Variants in BICC1 observed in about 807,000 individuals in gnomAD.
BICC1 encodes protein bicaudal C homolog 1.
BICC1 carries 43 observed loss-of-function variants against 111.0 expected under a neutral mutation model. That is an observed-to-expected ratio of 0.39 (90% CI 0.30 to 0.50). BICC1 has a LOEUF of 0.50. Ranked by LOEUF, BICC1 falls within the 20% of genes least tolerant of loss-of-function variation. The pLI is 0.88. For synonymous variants in BICC1, 467 were observed against 434.4 expected (o/e 1.07, Z -0.93); for missense variants, 1,091 against 1,203.2 (o/e 0.91, Z 1.38).
intron 3 of BICC1, among the ~76,000 whole-genome samples, chr10:58,773,760 A>C (rs918315692): frequency 2.0e-5 from 3 of 152,256 alleles, no homozygotes; most frequent in African/African-American, 7.2e-5. Context: ...CTGAGAAGAC[A>C]AAACATCTTT....
chr10:58,744,392 A>C (rs1300166466), intron 3 of BICC1, among the ~76,000 whole-genome samples: 1 of 152,064 alleles, frequency 6.6e-6, no homozygotes, highest in East Asian at 1.9e-4. Flanking sequence ...TGTTAAGCTA[A>C]TACTTGATAA....
In BICC1 at chr10:58,772,157, G is replaced by A. The variant is rs1271885133; in HGVS notation, c.308-12844G>A. Among the ~76,000 whole-genome samples the A allele has an allele frequency of 7.2e-5, 11 of 152,150 alleles. 1 individual carries two copies. The highest frequency in any genetic ancestry group is 1.6e-4 in the Non-Finnish European group (11 of 68,026). ...GAACTTCAAGTTCCATTCCAGGTCT[G>A]AAGTTCTTTGATATAATTCCAGAAG... On this transcript the variant is annotated intron_variant, in intron 3 of 20. Coordinates refer to ENST00000373886, the MANE Select transcript of BICC1 (RefSeq NM_001080512.3).
chr10:58,716,334 G>C (rs1840739434), intron 3 of BICC1: 1 of 1,415,588 alleles, frequency 7.1e-7, no homozygotes, highest in Non-Finnish European at 9.3e-7. Flanking sequence ...TGCAATGTCT[G>C]AGGAAATTTC....
chr10:58,687,734 G>C (rs1564554385), intron 2 of BICC1, among the ~76,000 whole-genome samples: 1 of 152,150 alleles, frequency 6.6e-6, no homozygotes. Context: ...CAGTATTAGG[G>C]TGGGAGTGTC....
At chr10:58,513,486 G>A (rs1309098883) in intron 1 of BICC1, among the ~76,000 whole-genome samples, 153 bp downstream of exon 1, 1 of 152,220 alleles carries the variant, frequency 6.6e-6, no homozygotes, top group Non-Finnish European at 1.5e-5. Flanking sequence ...GACACCCAGG[G>A]ACTGGAGACT....
intron 1 of BICC1, among the ~76,000 whole-genome samples, chr10:58,558,282 A>T (rs192502005): frequency 2.0e-5 from 3 of 151,928 alleles, no homozygotes; most frequent in Non-Finnish European, 2.9e-5. Context: ...ACATCTCCAG[A>T]ATTCTTTGTC....
chr10:58,595,286 G>T (rs1025048944), intron 1 of BICC1, among the ~76,000 whole-genome samples: 1 of 152,102 alleles, frequency 6.6e-6, no homozygotes, highest in Admixed American at 6.5e-5. Flanking sequence ...ACACCCTACT[G>T]TCAATATTAG....
chr10:58,596,444 C>T (rs181832077), intron 1 of BICC1, among the ~76,000 whole-genome samples: 1 of 152,284 alleles, frequency 6.6e-6, no homozygotes, highest in East Asian at 1.9e-4. Flanking sequence ...GACAAACCCA[C>T]AGCCAATATC....
chr10:58,698,865 C>G (rs922429484), intron 2 of BICC1, among the ~76,000 whole-genome samples: 15 of 152,290 alleles, frequency 9.8e-5, no homozygotes, highest in African/African-American at 3.6e-4. Context: ...CTCAACACAG[C>G]ACCCCTAGAA....
chr10:58,665,924 A>C (rs899621962), intron 2 of BICC1, among the ~76,000 whole-genome samples: 1 of 152,164 alleles, frequency 6.6e-6, no homozygotes, highest in African/African-American at 2.4e-5. Flanking sequence ...TTCTGTTTAA[A>C]CATGTATAGT....
rs1486303470 is a variant in BICC1, at chr10:58,761,368, A to G, written c.308-23633A>G. Among the ~76,000 whole-genome samples the G allele has an allele frequency of 3.3e-5, 5 of 152,322 alleles. No individual in the cohort carries two copies. In the South Asian group the frequency reaches 6.2e-4, roughly 19 times the overall value. On this transcript the variant is annotated intron_variant, in intron 3 of 20. Transcript: ENST00000373886. Reference sequence around the variant, plus strand: ...TGACAAGGTTTAAAATCGATGTGAGAGAAACACTAAGGAATGAGTCAGTGA... The same window carrying G: ...TGACAAGGTTTAAAATCGATGTGAGGGAAACACTAAGGAATGAGTCAGTGA...
At position 58,702,116 on chromosome 10, in the gene BICC1, C is replaced by T; in HGVS notation, c.280C>T (p.Leu94=). Residue 94 remains leucine, a synonymous_variant, in exon 3 of 21, where the codon CTG becomes TTG. Coordinates refer to ENST00000373886, the MANE Select transcript of BICC1 (RefSeq NM_001080512.3). ...TNTQIAWPSK[L]KIGAKSKKDP... is the part of the protein sequence containing the mutation. ...TACGCAGATTGCTTGGCCATCAAAA[C>T]TGAAGATCGGAGCCAAATCCAAGAA... is the stretch of plus-strand genomic sequence containing the variant. 1 of 1,613,138 alleles carries T rather than the reference C, an allele frequency of 6.2e-7. No homozygotes were observed. Among genetic ancestry groups the T allele is most frequent in the Non-Finnish European group, 8.5e-7 (1 of 1,179,560 alleles).
rs140205270 is a variant in BICC1 at position 58,663,259 on chromosome 10, G to T, written c.238-38815G>T. On this transcript the variant is annotated intron_variant, in intron 2 of 20. Coordinates refer to ENST00000373886, the MANE Select transcript of BICC1 (RefSeq NM_001080512.3). Reference sequence around the variant, plus strand: ...TTTTTTTATTTTTAGTAGAGACAGGGTTTCACCATGTTGACCAGGCTGGTC... The same window carrying T: ...TTTTTTTATTTTTAGTAGAGACAGGTTTTCACCATGTTGACCAGGCTGGTC... Among the ~76,000 whole-genome samples, 305 of 151,916 alleles carry T rather than the reference G, an allele frequency of 2.0e-3. 7 individuals carry two copies. In the East Asian group the frequency reaches 0.055, roughly 27 times the overall value.
At chr10:58,786,249 C>A (rs1843007739) in intron 4 of BICC1, among the ~76,000 whole-genome samples, 1 of 151,982 alleles carries the variant, frequency 6.6e-6, no homozygotes, top group South Asian at 2.1e-4. Context: ...CCAATATGAC[C>A]ACAGCATTTT....
intron 3 of BICC1, among the ~76,000 whole-genome samples, chr10:58,709,588 A>G (rs1220897417): frequency 6.6e-6 from 1 of 152,210 alleles, no homozygotes. Context: ...CCTCAACTCA[A>G]TCATGGAAAC....
At chr10:58,797,390 GCTTTTAA>G (rs1208708778) in intron 10 of BICC1, among the ~76,000 whole-genome samples, 9 of 151,882 alleles carry the variant, frequency 5.9e-5, no homozygotes, top group East Asian at 1.9e-4. Context: ...AGCTATTCTT[GCTTTTAA>G]CTTTTAAGAA....
At chr10:58,683,910 T>C (rs1564551509) in intron 2 of BICC1, among the ~76,000 whole-genome samples, 1 of 152,012 alleles carries the variant, frequency 6.6e-6, no homozygotes, top group Non-Finnish European at 1.5e-5. Flanking sequence ...TCCAACACTT[T>C]GTTGAATAGG....
At chr10:58,794,204 T>C (rs1243891017) in intron 9 of BICC1, among the ~76,000 whole-genome samples, 1 of 151,184 alleles carries the variant, frequency 6.6e-6, no homozygotes, top group Admixed American at 6.6e-5. Flanking sequence ...TGTGTGTGTG[T>C]GTGTGTACAT....
chr10:58,818,278 A>G (rs1844157367), intron 19 of BICC1, among the ~76,000 whole-genome samples: 1 of 152,164 alleles, frequency 6.6e-6, no homozygotes. Context: ...AATCATGACC[A>G]TGGATTTTGG....
Sources: gnomAD v4.1 joint callset for allele counts (sites outside exome capture counted in the v4.1 genomes callset) on GRCh38, gnomAD v4.1.1 for gene constraint, MANE v1.5 for transcripts, NCBI Gene and HGNC (gene_info 2026-07-23, HGNC 2026-07-21) for gene names.